Variants in OTX1 observed in about 807,000 individuals in gnomAD.
The protein encoded by OTX1 is homeobox protein OTX1.
Under a neutral mutation model 26.7 loss-of-function variants are expected in OTX1, and 7 were observed. The observed-to-expected ratio is 0.26, with a 90% confidence interval of 0.15 to 0.49. The LOEUF is 0.49. Ranked by LOEUF, OTX1 falls within the 20% of genes least tolerant of loss-of-function variation. OTX1 has a pLI of 0.98. For synonymous variants in OTX1, 216 were observed against 212.8 expected (o/e 1.01, Z -0.13); for missense variants, 414 against 483.8 (o/e 0.86, Z 1.35).
At chr2:63,052,798 G>A (rs2062035112) in intron 2 of OTX1, 82 bp from the exon 3 acceptor site, 1 of 556,886 alleles carries the variant, frequency 1.8e-6, no homozygotes, top group African/African-American at 2.0e-5. Context: ...TCTGTAACCT[G>A]CCTTCCCTGT....
chr2:63,056,105 C>T lies in OTX1; in HGVS notation c.854C>T (p.Pro285Leu). The change falls in exon 5 of 5, where the codon CCG (proline) becomes CTG (leucine). Residue 285 changes from proline (P) to leucine (L), a missense_variant. By Grantham distance (98) the Pro-to-Leu change is moderately conservative (BLOSUM62 -3). Around this residue, in one of 3 missense-constraint regions of OTX1, gnomAD observed 320 missense variants for 347.9 expected, o/e 0.92. Transcript: ENST00000282549. ...CATCACCACCCACATGCGCACCACCCGTTGAGCCAGTCCTCAGGCCACCAC... is the reference window on the plus strand; with the variant it reads ...CATCACCACCCACATGCGCACCACCTGTTGAGCCAGTCCTCAGGCCACCAC... ...HHHHHPHAHH[P>L]LSQSSGHHHH... is the part of the protein sequence containing the mutation. 3 of 1,614,000 alleles carry T rather than the reference C, an allele frequency of 1.9e-6. No homozygotes were observed. Among genetic ancestry groups the T allele is most frequent in the Non-Finnish European group, 1.7e-6 (2 of 1,180,002 alleles).
At position 63,057,094 on chromosome 2, in the gene OTX1, T is replaced by C. The variant is rs528054605; in HGVS notation, c.*778T>C. The C allele has an allele frequency of 1.3e-5, 2 of 152,158 alleles. No individual in the cohort carries two copies. The highest frequency in any genetic ancestry group is 4.8e-5 in the African/African-American group (2 of 41,512). 9.4% of individuals were successfully genotyped at this position (152,158 alleles called of 1,614,324 possible). ...TGGTTGAACTGAACATATCTTGTCT[T>C]AGCACCCAGGAAACAGAACTTTAAG... On this transcript the variant is annotated 3_prime_UTR_variant, in exon 5 of 5. Transcript: ENST00000282549.
intron 3 of OTX1, 82 bp from the exon 4 acceptor site, chr2:63,053,965 C>T (rs777307085): frequency 2.0e-6 from 3 of 1,484,144 alleles, no homozygotes; most frequent in Admixed American, 4.5e-5. Context: ...GAGATCTGGG[C>T]CTGCCAGGGG....
upstream of OTX1, chr2:63,050,277 A>C (rs2062014131): frequency 6.6e-6 from 1 of 152,148 alleles, no homozygotes; most frequent in Non-Finnish European, 1.5e-5. Context: ...CGGCACGAGC[A>C]GCCCGCGGCG....
intron 3 of OTX1, 194 bp downstream of exon 3, chr2:63,053,281 G>A (rs1261948673): frequency 4.4e-6 from 2 of 457,180 alleles, no homozygotes; most frequent in African/African-American, 2.0e-5. Context: ...AGGTGGCCAG[G>A]GCTGAGAAAA....
At position 63,052,895 on chromosome 2, in the gene OTX1, G is replaced by A; in HGVS notation, c.-96G>A. 2.7e-6 allele frequency: 2 copies of A among 738,560 alleles called. No individual in the cohort carries two copies. Among genetic ancestry groups the A allele is most frequent in the East Asian group, 2.7e-5 (1 of 37,216 alleles). 45.8% of individuals were successfully genotyped at this position (738,560 alleles called of 1,614,324 possible). A position where few individuals can be genotyped will look rare whatever the true frequency, so the allele number is the denominator to read the frequency against. On this transcript the variant is annotated 5_prime_UTR_variant, in exon 3 of 5. Transcript: ENST00000282549. ...GTCTTCATAGGCCAGGCCCCCAGAC[G>A]CATCAGACCCTGAAGGACTGCGTGG...
chr2:63,054,677 T>C (rs1402973073), intron 4 of OTX1, among the ~76,000 whole-genome samples: 1 of 152,226 alleles, frequency 6.6e-6, no homozygotes, highest in East Asian at 1.9e-4. Flanking sequence ...TTCCTCTGCT[T>C]ACAGAGGATG....
intron 4 of OTX1, 86 bp downstream of exon 4, chr2:63,054,284 A>C: frequency 7.4e-7 from 1 of 1,343,596 alleles, no homozygotes; most frequent in Middle Eastern, 2.7e-4. Context: ...GTAGTTCTTG[A>C]GGAGACCATC....
rs1172100427 is a variant in OTX1 at position 63,054,181 on chromosome 2, C to A, written c.232C>A (p.Pro78Thr). The change falls in exon 4 of 5, where the codon CCG becomes ACG. Residue 78 changes from proline (P) to threonine (T), a missense_variant. Pro to Thr is a conservative substitution (Grantham distance 38, BLOSUM62 -1). Coordinates refer to ENST00000282549, the MANE Select transcript of OTX1 (RefSeq NM_014562.4). Reference sequence around the variant, plus strand: ...GGAGGTGGCGCTCAAGATCAACCTGCCGGAGTCTAGAGTCCAGGTGCGCAC... The same window carrying A: ...GGAGGTGGCGCTCAAGATCAACCTGACGGAGTCTAGAGTCCAGGTGCGCAC... ...REEVALKINL[P>T]ESRVQVWFKN... The A allele has an allele frequency of 6.2e-7, 1 of 1,603,446 alleles. No individual in the cohort carries two copies. Among genetic ancestry groups the A allele is most frequent in the Non-Finnish European group, 8.5e-7 (1 of 1,174,412 alleles).
chr2:63,054,407 C>T (rs909669892), intron 4 of OTX1, among the ~76,000 whole-genome samples: 3 of 152,270 alleles, frequency 2.0e-5, no homozygotes, highest in African/African-American at 7.2e-5. Flanking sequence ...CCCTGGATTC[C>T]GCCTTTAGCC....
Position 63,055,376 on chromosome 2 carries a change from G to T in OTX1, c.250-125G>T. 9.8e-7 allele frequency: 1 copy of T among 1,023,170 alleles called. No homozygotes were observed. Among genetic ancestry groups the T allele is most frequent in the Non-Finnish European group, 1.4e-6 (1 of 711,068 alleles). 63.4% of individuals were successfully genotyped at this position (1,023,170 alleles called of 1,614,324 possible). A position where few individuals can be genotyped will look rare whatever the true frequency, so the allele number is the denominator to read the frequency against. Reference sequence around the variant, plus strand: ...GGTCTGGCCAGGCCAGAGACAGGAAGGGGCGGAGGCCTCGGTGAGAAAGGA... The same window carrying T: ...GGTCTGGCCAGGCCAGAGACAGGAATGGGCGGAGGCCTCGGTGAGAAAGGA... On this transcript the variant is annotated intron_variant, in intron 4 of 4. Transcript: ENST00000282549. The surrounding 1 kb of genome is among the most constrained non-coding windows in gnomAD (Gnocchi z 5.2).
upstream of OTX1, among the ~76,000 whole-genome samples, chr2:63,050,357 C>T (rs902651881): frequency 2.0e-5 from 3 of 152,152 alleles, no homozygotes; most frequent in Admixed American, 2.0e-4. Flanking sequence ...GGCCGAGGCC[C>T]GGGCTCCTCC....
chr2:63,056,420 A>C lies in OTX1; in HGVS notation c.*104A>C. ...CCCGCCTTTGCCTCGTCTTCTCCAA[A>C]ACTGAATTTTCACCCCCCAAAAAGA... is the stretch of plus-strand genomic sequence containing the variant. On this transcript the variant is annotated 3_prime_UTR_variant, in exon 5 of 5. Transcript: ENST00000282549. The C allele has an allele frequency of 9.4e-7, 1 of 1,069,138 alleles. No homozygotes were observed. Among genetic ancestry groups the C allele is most frequent in the Non-Finnish European group, 1.3e-6 (1 of 742,480 alleles). The allele number at this position is 1,069,138 out of a possible 1,614,324, so 66.2% of individuals were successfully genotyped here. A position where few individuals can be genotyped will look rare whatever the true frequency, so the allele number is the denominator to read the frequency against.
In OTX1 at chr2:63,056,592, A is replaced by G. The variant is rs909201078; in HGVS notation, c.*276A>G. ...GAGAGATGTATTATTTCCCCCCTTCAGCCCCTACTAAACTCTTAAGCCTCC... is the reference window on the plus strand; with the variant it reads ...GAGAGATGTATTATTTCCCCCCTTCGGCCCCTACTAAACTCTTAAGCCTCC... On this transcript the variant is annotated 3_prime_UTR_variant, in exon 5 of 5. Coordinates refer to ENST00000282549, the MANE Select transcript of OTX1 (RefSeq NM_014562.4). The G allele has an allele frequency of 3.9e-6, 2 of 507,688 alleles. No individual in the cohort carries two copies. 31.4% of individuals were successfully genotyped at this position (507,688 alleles called of 1,614,324 possible).
chr2:63,055,736 T>C lies in OTX1; in HGVS notation c.485T>C (p.Val162Ala), dbSNP rs2062059174. 6.2e-7 allele frequency: 1 copy of C among 1,612,462 alleles called. No homozygotes were observed. Among genetic ancestry groups the C allele is most frequent in the Non-Finnish European group, 8.5e-7 (1 of 1,179,676 alleles). Residue 162 changes from valine to alanine, a missense_variant, in exon 5 of 5, where the codon GTG (valine) becomes GCG (alanine). Physicochemically the swap from Val to Ala is moderately conservative, Grantham distance 64. Coordinates refer to ENST00000282549, the MANE Select transcript of OTX1 (RefSeq NM_014562.4). The surrounding 1 kb of genome is among the most constrained non-coding windows in gnomAD (Gnocchi z 5.2). ...GCTGCGGGACTAGGTGGGAACCCGG[T>C]GGCGGCCGCGTCGTCGCTGAGTACA... ...AAAAGLGGNPVAAASSLSTPA... is the reference protein window; with the variant it reads ...AAAAGLGGNPAAAASSLSTPA...
rs751348174 is a variant in OTX1 at position 63,056,112 on chromosome 2, C to T, written c.861C>T (p.Ser287=). 3.1e-6 allele frequency: 5 copies of T among 1,613,876 alleles called. No homozygotes were observed. The East Asian group carries it at 8.9e-5, about 29-fold the overall frequency. ...ACCCACATGCGCACCACCCGTTGAG[C>T]CAGTCCTCAGGCCACCACCACCACC... is the stretch of plus-strand genomic sequence containing the variant. ...HHHPHAHHPL[S]QSSGHHHHHH... is the part of the protein sequence containing the mutation. The change falls in exon 5 of 5, where the codon AGC becomes AGT. Residue 287 remains serine (S), a synonymous_variant. Transcript: ENST00000282549.
intron 4 of OTX1, 73 bp downstream of exon 4, chr2:63,054,271 T>C: frequency 2.1e-6 from 3 of 1,447,196 alleles, no homozygotes; most frequent in Non-Finnish European, 2.7e-6. Flanking sequence ...GGAAGGCTCT[T>C]GAGTAGTTCT....
At chr2:63,053,829 C>A in intron 3 of OTX1, 1 of 572,692 alleles carries the variant, frequency 1.7e-6, no homozygotes, top group Non-Finnish European at 3.1e-6. Context: ...AGAGGGGCAG[C>A]CCTCGAATCT....
upstream of OTX1, among the ~76,000 whole-genome samples, chr2:63,050,589 C>CTA (rs998447973): frequency 6.6e-6 from 1 of 151,750 alleles, no homozygotes; most frequent in African/African-American, 2.4e-5. Flanking sequence ...CCTCGCCTAG[C>CTA]TCTGCGCCGC....
Sources: gnomAD v4.1 joint callset for allele counts (sites outside exome capture counted in the v4.1 genomes callset) on GRCh38, gnomAD v4.1.1 for gene constraint, gnomAD v4.1.1 regional missense constraint, Gnocchi (gnomAD v3.1) non-coding constraint, MANE v1.5 for transcripts, NCBI Gene and HGNC (gene_info 2026-07-23, HGNC 2026-07-21) for gene names.